The following EPB41L2 variants were observed in gnomAD, a reference collection of about 807,000 sequenced individuals.
EPB41L2 encodes the protein band 4.1-like protein 2.
In EPB41L2, 43 loss-of-function variants were observed where a neutral mutation model predicts 113.0. The observed-to-expected ratio is 0.38, with a 90% CI of 0.30 to 0.49. EPB41L2 has a LOEUF of 0.49. Among genes scored for constraint, EPB41L2 ranks in the 20% least tolerant of loss-of-function variants. The pLI is 0.95. For missense variants in EPB41L2, 1,147 were observed against 1,223.4 expected, an observed-to-expected ratio of 0.94 and a Z score of 0.93; for synonymous variants, 442 against 436.7, an observed-to-expected ratio of 1.01 and a Z score of -0.15.
intron 3 of EPB41L2, among the ~76,000 whole-genome samples, chr6:130,944,631 T>C (rs1195955809): frequency 6.6e-6 from 1 of 152,234 alleles, no homozygotes; most frequent in Non-Finnish European, 1.5e-5. Flanking sequence ...GAAACTAAGA[T>C]AGGCAGGAAT....
At chr6:130,925,699 C>T (rs544953680) in intron 4 of EPB41L2, among the ~76,000 whole-genome samples, 2 of 152,074 alleles carry the variant, frequency 1.3e-5, no homozygotes, top group Non-Finnish European at 2.9e-5. Context: ...CAGAAGAGCA[C>T]ATAATTGGAA....
At chr6:131,036,812 C>G (rs1460374552) in intron 1 of EPB41L2, among the ~76,000 whole-genome samples, 1 of 152,054 alleles carries the variant, frequency 6.6e-6, no homozygotes. Flanking sequence ...TATGGGTTAA[C>G]TAATAGGACA....
chr6:131,050,834 T>C (rs755450850), intron 1 of EPB41L2, among the ~76,000 whole-genome samples: 5 of 152,212 alleles, frequency 3.3e-5, no homozygotes, highest in Non-Finnish European at 7.3e-5. Flanking sequence ...GCTTAAATGA[T>C]CTGTCCGCCT....
intron 4 of EPB41L2, among the ~76,000 whole-genome samples, chr6:130,909,640 T>C (rs1460019886): frequency 6.6e-6 from 1 of 152,212 alleles, no homozygotes; most frequent in Non-Finnish European, 1.5e-5. Flanking sequence ...GAAAACCCCA[T>C]TGTCTCAGCC....
chr6:130,871,962 T>C (rs1476479478), intron 14 of EPB41L2, among the ~76,000 whole-genome samples: 2 of 152,190 alleles, frequency 1.3e-5, no homozygotes, highest in African/African-American at 2.4e-5. Flanking sequence ...AATTATGTCA[T>C]GGAGCATGGG....
chr6:130,907,632 G>A (rs1204267886), intron 5 of EPB41L2, among the ~76,000 whole-genome samples: 1 of 151,988 alleles, frequency 6.6e-6, no homozygotes, highest in Non-Finnish European at 1.5e-5. Context: ...ACAGGAAGAG[G>A]AAATGGGAAA....
chr6:130,912,879 C>T (rs1031995878), intron 4 of EPB41L2, among the ~76,000 whole-genome samples: 2 of 151,848 alleles, frequency 1.3e-5, no homozygotes, highest in Non-Finnish European at 2.9e-5. Flanking sequence ...AATTGAATGG[C>T]GCCAAATTGA....
intron 1 of EPB41L2, among the ~76,000 whole-genome samples, chr6:131,011,138 G>C (rs1208355584): frequency 1.3e-5 from 2 of 152,202 alleles, no homozygotes; most frequent in African/African-American, 4.8e-5. Flanking sequence ...GGACCTCATA[G>C]CCTAGTAAGG....
chr6:130,972,029 C>T (rs1776917088), intron 1 of EPB41L2, among the ~76,000 whole-genome samples: 1 of 152,060 alleles, frequency 6.6e-6, no homozygotes, highest in East Asian at 1.9e-4. Flanking sequence ...TAAATTGAGA[C>T]ATGACTAAAA....
intron 1 of EPB41L2, among the ~76,000 whole-genome samples, chr6:131,060,189 T>A (rs1033093870): frequency 1.3e-5 from 2 of 152,104 alleles, no homozygotes; most frequent in Admixed American, 6.5e-5. Context: ...AGAGACAGAG[T>A]AGAAACAGAA....
intron 14 of EPB41L2, among the ~76,000 whole-genome samples, chr6:130,874,642 A>G (rs527635965): frequency 1.4e-4 from 21 of 152,336 alleles, no homozygotes; most frequent in Admixed American, 5.2e-4. Context: ...ATGAATGTCA[A>G]AAAAGTATGT....
intron 6 of EPB41L2, among the ~76,000 whole-genome samples, chr6:130,902,594 C>T (rs1189890330): frequency 2.0e-5 from 3 of 152,208 alleles, no homozygotes; most frequent in Admixed American, 2.0e-4. Context: ...ATTAACAGTA[C>T]ATACTTCAGA....
intron 1 of EPB41L2, among the ~76,000 whole-genome samples, chr6:130,997,341 C>A (rs1184482970): frequency 6.6e-6 from 1 of 152,094 alleles, no homozygotes; most frequent in Non-Finnish European, 1.5e-5. Context: ...AAAAGCAATG[C>A]ACATCAACAA....
At chr6:131,021,746 T>C (rs753132784) in intron 1 of EPB41L2, among the ~76,000 whole-genome samples, 9 of 152,184 alleles carry the variant, frequency 5.9e-5, no homozygotes, top group Non-Finnish European at 1.3e-4. Flanking sequence ...TATACTAATT[T>C]AATCCTTACA....
intron 3 of EPB41L2, among the ~76,000 whole-genome samples, chr6:130,947,015 A>C (rs1813084237): frequency 7.5e-6 from 1 of 133,098 alleles, no homozygotes; most frequent in South Asian, 2.6e-4. Context: ...TGAATAAAGA[A>C]GACCCCCCCC....
chr6:130,978,218 C>T (rs1778602684), intron 1 of EPB41L2, among the ~76,000 whole-genome samples: 1 of 152,228 alleles, frequency 6.6e-6, no homozygotes. Context: ...AAGTTGAATG[C>T]TGCTTCTACC....
intron 19 of EPB41L2, among the ~76,000 whole-genome samples, chr6:130,852,423 G>A (rs761341892): frequency 2.0e-5 from 3 of 152,084 alleles, no homozygotes; most frequent in Non-Finnish European, 2.9e-5. Context: ...CGGCAGTACC[G>A]CAGAACCAAA....
chr6:131,021,919 G>A (rs542522166), intron 1 of EPB41L2, among the ~76,000 whole-genome samples: 5 of 152,252 alleles, frequency 3.3e-5, no homozygotes, highest in East Asian at 1.9e-4. Flanking sequence ...GACTGGTTTC[G>A]TGGAAGATAA....
At chr6:130,939,977 C>T (rs1267060384) in intron 3 of EPB41L2, among the ~76,000 whole-genome samples, 2 of 151,788 alleles carry the variant, frequency 1.3e-5, no homozygotes, top group Non-Finnish European at 2.9e-5. Flanking sequence ...GCAGAGTGTA[C>T]ATGTTACTGT....
Sources: gnomAD v4.1 joint callset for allele counts (sites outside exome capture counted in the v4.1 genomes callset) on GRCh38, gnomAD v4.1.1 for gene constraint, MANE v1.5 for transcripts, NCBI Gene and HGNC (gene_info 2026-07-23, HGNC 2026-07-21) for gene names.